Variants in TAOK1 observed in about 807,000 individuals in gnomAD.
The protein encoded by TAOK1 is serine/threonine-protein kinase TAO1.
In TAOK1, 21 loss-of-function variants were observed where a neutral mutation model predicts 138.3. The observed-to-expected ratio is 0.15, with a 90% CI of 0.11 to 0.22. The LOEUF (loss-of-function observed/expected upper bound fraction) is 0.22. Ranked by LOEUF, TAOK1 falls within the 10% of genes least tolerant of loss-of-function variation. The pLI is 1.00. For missense variants in TAOK1, 651 were observed against 1,227.7 expected, an observed-to-expected ratio of 0.53 and a Z score of 7.02; for synonymous variants, 361 against 398.4, an observed-to-expected ratio of 0.91 and a Z score of 1.12.
intron 3 of TAOK1, among the ~76,000 whole-genome samples, chr17:29,471,517 T>TC: frequency 6.6e-6 from 1 of 151,746 alleles, no homozygotes; most frequent in Non-Finnish European, 1.5e-5. Flanking sequence ...GACCTCGTGA[T>TC]CCCCCCACCT....
intron 14 of TAOK1, among the ~76,000 whole-genome samples, chr17:29,509,618 G>C (rs2031683225): frequency 1.3e-5 from 2 of 152,140 alleles, no homozygotes; most frequent in African/African-American, 4.8e-5. Context: ...ACCAGGATGG[G>C]TGCAGTGGCT....
chr17:29,492,894 T>TCCAG (rs1567733900), intron 10 of TAOK1, among the ~76,000 whole-genome samples: 3 of 151,656 alleles, frequency 2.0e-5, no homozygotes, highest in Non-Finnish European at 4.4e-5. Context: ...TAACCCCAGC[T>TCCAG]CTTTGGGAGG....
intron 1 of TAOK1, among the ~76,000 whole-genome samples, chr17:29,439,253 AGT>A (rs900521212): frequency 1.4e-5 from 2 of 138,604 alleles, no homozygotes; most frequent in African/African-American, 6.0e-5. Flanking sequence ...CCCAGGCTGG[AGT>A]GCAGTGGGGT....
intron 17 of TAOK1, among the ~76,000 whole-genome samples, chr17:29,526,071 T>TCACCCGACTGTG (rs1555567852): frequency 2.0e-5 from 3 of 151,690 alleles, no homozygotes; most frequent in Admixed American, 6.6e-5. Context: ...AGGTCGGGAG[T>TCACCCGACTGTG]TCGAGACCAG....
Position 29,545,571 on chromosome 17 carries a change from T to C in TAOK1, c.*2549T>C, listed in dbSNP as rs941439323. Reference sequence around the variant, plus strand: ...CAGTTTTACATGTAGGTCATGACTATACCTGGATTTTATCATTAAGTTAAC... The same window carrying C: ...CAGTTTTACATGTAGGTCATGACTACACCTGGATTTTATCATTAAGTTAAC... On this transcript the variant is annotated 3_prime_UTR_variant, in exon 20 of 20. Transcript: ENST00000261716. The C allele has an allele frequency of 2.6e-5, 4 of 152,188 alleles. No homozygotes were observed. The highest frequency in any genetic ancestry group is 4.8e-5 in the African/African-American group (2 of 41,460). 9.4% of individuals were successfully genotyped at this position (152,188 alleles called of 1,614,324 possible).
intron 17 of TAOK1, among the ~76,000 whole-genome samples, chr17:29,529,115 G>A (rs1361381378): frequency 6.6e-6 from 1 of 151,918 alleles, no homozygotes; most frequent in African/African-American, 2.4e-5. Context: ...AGGACTACAG[G>A]TGAACATCAT....
chr17:29,409,764 CT>C (rs1455444234), intron 1 of TAOK1, among the ~76,000 whole-genome samples: 1 of 152,090 alleles, frequency 6.6e-6, no homozygotes, highest in African/African-American at 2.4e-5. Context: ...GGGATTTCTT[CT>C]TTTGAAATGT....
chr17:29,508,749 A>G (rs2031668379), intron 14 of TAOK1, among the ~76,000 whole-genome samples: 2 of 152,234 alleles, frequency 1.3e-5, no homozygotes, highest in African/African-American at 4.8e-5. Flanking sequence ...ATTATAAGTT[A>G]TGAAAGATTC....
At chr17:29,489,792 G>A in intron 9 of TAOK1, 35 bp downstream of exon 9, 1 of 1,408,270 alleles carries the variant, frequency 7.1e-7, no homozygotes, top group South Asian at 1.4e-5. Flanking sequence ...GCTCAGTGTT[G>A]AATAAATGAA....
chr17:29,533,995 A>C (rs2150774638), intron 18 of TAOK1, 123 bp from the exon 19 acceptor site: 1 of 1,081,506 alleles, frequency 9.2e-7, no homozygotes, highest in East Asian at 3.0e-5. Context: ...CAAGAGAGAA[A>C]AATTGTCTAA....
At chr17:29,491,459 A>C (rs1239662091) in intron 9 of TAOK1, among the ~76,000 whole-genome samples, 1 of 152,076 alleles carries the variant, frequency 6.6e-6, no homozygotes, top group Non-Finnish European at 1.5e-5. Flanking sequence ...AATAGAAAGG[A>C]ATGTTATCTT....
At position 29,528,490 on chromosome 17, in the gene TAOK1, A is replaced by G. The variant is rs543129830; in HGVS notation, c.2149-1917A>G. Among the ~76,000 whole-genome samples the G allele has an allele frequency of 2.6e-5, 4 of 152,326 alleles. No individual in the cohort carries two copies. In the East Asian group the frequency reaches 5.8e-4, roughly 22 times the overall value. ...TTAGTAATTCCTAATAGAGATTTCC[A>G]AGTCAGCCTCACATTTGGTACATAA... On this transcript the variant is annotated intron_variant, in intron 17 of 19. Coordinates refer to ENST00000261716, the MANE Select transcript of TAOK1 (RefSeq NM_020791.4).
chr17:29,444,136 A>C (rs1461709242), intron 1 of TAOK1, among the ~76,000 whole-genome samples: 2 of 151,190 alleles, frequency 1.3e-5, no homozygotes, highest in African/African-American at 4.9e-5. Flanking sequence ...GGCCTGATCT[A>C]TAGTTTATAC....
At chr17:29,518,759 TTTA>T (rs2031865360) in intron 16 of TAOK1, among the ~76,000 whole-genome samples, 3 of 69,606 alleles carry the variant, frequency 4.3e-5, no homozygotes, top group Admixed American at 1.5e-4. Context: ...ACTTTATCTA[TTTA>T]TTTATTTATT....
intron 13 of TAOK1, among the ~76,000 whole-genome samples, chr17:29,505,381 A>G (rs748261296): frequency 1.4e-4 from 21 of 152,128 alleles, no homozygotes; most frequent in Admixed American, 1.4e-3. Flanking sequence ...ACAAATCCCA[A>G]AATCCACCGA....
intron 1 of TAOK1, among the ~76,000 whole-genome samples, chr17:29,418,398 G>A (rs984977245): frequency 6.6e-6 from 1 of 151,740 alleles, no homozygotes. Flanking sequence ...TAGAAATAGG[G>A]TCTTGCATGT....
chr17:29,412,593 C>G (rs1424190944), intron 1 of TAOK1, among the ~76,000 whole-genome samples: 1 of 152,122 alleles, frequency 6.6e-6, no homozygotes, highest in Non-Finnish European at 1.5e-5. Flanking sequence ...ATTGTCTTAG[C>G]TTTTACTAGG....
rs181697762 is a variant in TAOK1, at chr17:29,537,451, A to G, written c.2544+3151A>G. Among the ~76,000 whole-genome samples, 27 of 151,936 alleles carry G rather than the reference A, an allele frequency of 1.8e-4. No homozygotes were observed. The East Asian group carries it at 5.2e-3, about 30-fold the overall frequency. Reference sequence around the variant, plus strand: ...TGCGTTCTCCATTTCCCAAGGCTCAAGCGGTCCTCCTACCTCAGCCTCACA... The same window carrying G: ...TGCGTTCTCCATTTCCCAAGGCTCAGGCGGTCCTCCTACCTCAGCCTCACA... On this transcript the variant is annotated intron_variant, in intron 19 of 19. Coordinates refer to ENST00000261716, the MANE Select transcript of TAOK1 (RefSeq NM_020791.4).
At chr17:29,511,071 T>A in intron 15 of TAOK1, 79 bp downstream of exon 15, 2 of 1,342,834 alleles carry the variant, frequency 1.5e-6, no homozygotes, top group South Asian at 1.7e-5. Flanking sequence ...ATAGAAGCAT[T>A]AGGATAAAAT....
Sources: gnomAD v4.1 joint callset for allele counts (sites outside exome capture counted in the v4.1 genomes callset) on GRCh38, gnomAD v4.1.1 for gene constraint, MANE v1.5 for transcripts, NCBI Gene and HGNC (gene_info 2026-07-23, HGNC 2026-07-21) for gene names.